Variants in LNX2 observed in about 807,000 individuals in gnomAD.
The protein encoded by LNX2 is ligand of Numb protein X 2.
LNX2 carries 35 observed loss-of-function variants against 66.2 expected under a neutral mutation model. The observed-to-expected ratio is 0.53, with a 90% CI of 0.40 to 0.70. LNX2 has a LOEUF of 0.70. LNX2 is among the 30% of genes least tolerant of loss of function. The probability of loss-of-function intolerance (pLI) is 0.00; values close to 1 mark genes in which losing one functional copy is unlikely to be tolerated. For synonymous variants in LNX2, 337 were observed against 315.6 expected, an observed-to-expected ratio of 1.07 and a Z score of -0.72; for missense variants, 791 against 850.8, an observed-to-expected ratio of 0.93 and a Z score of 0.87.
At chr13:27,573,197 A>G (rs564902714) in intron 2 of LNX2, among the ~76,000 whole-genome samples, 1 of 152,294 alleles carries the variant, frequency 6.6e-6, no homozygotes, top group Admixed American at 6.5e-5. Flanking sequence ...CCCACATCAC[A>G]GTGGAAATCA....
Position 27,581,445 on chromosome 13 carries a change from C to T in LNX2, c.259G>A (p.Asp87Asn), listed in dbSNP as rs1313044449. The change falls in exon 2 of 10, where the codon GAC (aspartate) becomes AAC (asparagine). Residue 87 changes from aspartate (D) to asparagine (N), a missense_variant. Asp to Asn is a conservative substitution (Grantham distance 23). Coordinates refer to ENST00000316334, the MANE Select transcript of LNX2 (RefSeq NM_153371.4). ...AACTTAAAATGAAGTCTTTTCCGGT[C>T]CAACGGACAGAAATCTTTCTCTTGT... ...FLQEKDFCPL[D>N]RKRLHFKLCK... 1 of 1,610,660 alleles carries T rather than the reference C, an allele frequency of 6.2e-7. No individual in the cohort carries two copies. Among genetic ancestry groups the T allele is most frequent in the East Asian group, 2.2e-5 (1 of 44,794 alleles).
chr13:27,612,832 C>T (rs1468683599), intron 1 of LNX2, among the ~76,000 whole-genome samples: 2 of 152,200 alleles, frequency 1.3e-5, no homozygotes, highest in Non-Finnish European at 2.9e-5. Context: ...TTGAGTGATT[C>T]TGCTGCCTTG....
chr13:27,582,379 C>T (rs1295761439), intron 1 of LNX2, among the ~76,000 whole-genome samples: 3 of 152,064 alleles, frequency 2.0e-5, no homozygotes, highest in African/African-American at 7.2e-5. Flanking sequence ...GGTAAAGACA[C>T]CATAGATTAT....
chr13:27,550,498 A>G lies in LNX2; in HGVS notation c.1779-7T>C. 2 of 1,593,896 alleles carry G rather than the reference A, an allele frequency of 1.3e-6. No homozygotes were observed. The highest frequency in any genetic ancestry group is 1.7e-6 in the Non-Finnish European group (2 of 1,172,722). Reference sequence around the variant, plus strand: ...GTGGCAGCTATGAAGTGTGCTATAAACAAACAGAAAAATAAAGAAAAAATT... The same window carrying G: ...GTGGCAGCTATGAAGTGTGCTATAAGCAAACAGAAAAATAAAGAAAAAATT... On this transcript the variant is annotated splice_polypyrimidine_tract_variant and splice_region_variant and intron_variant, in intron 8 of 9. Coordinates refer to ENST00000316334, the MANE Select transcript of LNX2 (RefSeq NM_153371.4).
At chr13:27,612,757 C>G (rs922113205) in intron 1 of LNX2, among the ~76,000 whole-genome samples, 5 of 152,110 alleles carry the variant, frequency 3.3e-5, no homozygotes, top group African/African-American at 1.2e-4. Flanking sequence ...TGACACCACA[C>G]CCAGCTGATT....
chr13:27,620,912 T>G (rs618733), upstream of LNX2: 56,643 of 148,936 alleles, frequency 0.38, 12,417 homozygotes, highest in South Asian at 0.54. Flanking sequence ...CGGGGCGGGG[T>G]GGGGGGAGGC....
At chr13:27,589,637 A>G (rs1955527358) in intron 1 of LNX2, among the ~76,000 whole-genome samples, 1 of 152,162 alleles carries the variant, frequency 6.6e-6, no homozygotes. Flanking sequence ...TTTTTAGTGC[A>G]AAGTGATCAA....
chr13:27,583,798 A>G (rs1955452024), intron 1 of LNX2, among the ~76,000 whole-genome samples: 1 of 152,200 alleles, frequency 6.6e-6, no homozygotes, highest in Non-Finnish European at 1.5e-5. Flanking sequence ...AAAGCCCATT[A>G]TTAAAATTCA....
chr13:27,565,250 A>G (rs969709268), intron 4 of LNX2, among the ~76,000 whole-genome samples: 1 of 152,240 alleles, frequency 6.6e-6, no homozygotes, highest in African/African-American at 2.4e-5. Flanking sequence ...CACTGATGAA[A>G]TGTATTAGTA....
At chr13:27,569,868 T>C (rs1383046572) in intron 2 of LNX2, among the ~76,000 whole-genome samples, 1 of 152,188 alleles carries the variant, frequency 6.6e-6, no homozygotes, top group Non-Finnish European at 1.5e-5. Flanking sequence ...GTTTGTGAAA[T>C]TAGAATTTCA....
chr13:27,576,744 G>C (rs1168712936), intron 2 of LNX2, among the ~76,000 whole-genome samples: 3 of 150,908 alleles, frequency 2.0e-5, no homozygotes, highest in African/African-American at 7.3e-5. Context: ...AAAAAGAAAA[G>C]AAAGGCCTCA....
At chr13:27,574,815 AG>A (rs1257991679) in intron 2 of LNX2, among the ~76,000 whole-genome samples, 1 of 152,202 alleles carries the variant, frequency 6.6e-6, no homozygotes, top group Non-Finnish European at 1.5e-5. Context: ...ACAGTAAGAG[AG>A]GAACAGCTCA....
intron 2 of LNX2, among the ~76,000 whole-genome samples, chr13:27,577,521 A>G (rs1381515572): frequency 1.3e-5 from 2 of 152,158 alleles, no homozygotes; most frequent in Non-Finnish European, 2.9e-5. Context: ...CACATAAAAT[A>G]CACTAACATC....
intron 1 of LNX2, among the ~76,000 whole-genome samples, chr13:27,584,547 G>A (rs529274081): frequency 1.7e-3 from 259 of 151,966 alleles, no homozygotes; most frequent in African/African-American, 5.6e-3. Flanking sequence ...TTAGCCAGGC[G>A]CAATGGTGCA....
At chr13:27,594,179 GTTC>G (rs892372876) in intron 1 of LNX2, among the ~76,000 whole-genome samples, 26 of 151,982 alleles carry the variant, frequency 1.7e-4, no homozygotes, top group African/African-American at 4.6e-4. Flanking sequence ...ATATTTCATT[GTTC>G]TTTTAATTTG....
intron 1 of LNX2, among the ~76,000 whole-genome samples, chr13:27,611,821 T>C (rs1411529695): frequency 1.3e-5 from 2 of 152,234 alleles, no homozygotes; most frequent in Non-Finnish European, 2.9e-5. Flanking sequence ...CTTTAAAATA[T>C]GGAATTTAAA....
rs1421589818 is a variant in LNX2 at position 27,550,468 on chromosome 13, A to G, written c.1802T>C (p.Ile601Thr). ...TCCCAAGTAACTTCTTCGTAAAACT[A>G]TATCGTGGCAGCTATGAAGTGTGCT... ...LPSTLHSCHDIVLRRSYLGSW... is the reference protein window; with the variant it reads ...LPSTLHSCHDTVLRRSYLGSW... Residue 601 changes from isoleucine (I) to threonine (T), a missense_variant, in exon 9 of 10, where the codon ATA (isoleucine) becomes ACA (threonine). Coordinates refer to ENST00000316334, the MANE Select transcript of LNX2 (RefSeq NM_153371.4). 4 of 1,614,076 alleles carry G rather than the reference A, an allele frequency of 2.5e-6. No homozygotes were observed. The highest frequency in any genetic ancestry group is 1.1e-5 in the South Asian group (1 of 91,072).
At chr13:27,569,686 TGACTTA>T (rs1306091099) in intron 2 of LNX2, among the ~76,000 whole-genome samples, 3 of 152,192 alleles carry the variant, frequency 2.0e-5, no homozygotes, top group Non-Finnish European at 4.4e-5. Flanking sequence ...GGTTGCGTCC[TGACTTA>T]GACCTTGATT....
At chr13:27,558,060 T>G (rs1593239861) in intron 6 of LNX2, among the ~76,000 whole-genome samples, 1 of 151,626 alleles carries the variant, frequency 6.6e-6, no homozygotes, top group South Asian at 2.1e-4. Flanking sequence ...CTCAGTTTGC[T>G]TCAAGGAACT....
Sources: allele counts gnomAD v4.1 joint callset (sites outside exome capture counted in the v4.1 genomes callset), GRCh38; gene constraint gnomAD v4.1.1; transcripts MANE v1.5; gene names NCBI Gene and HGNC (gene_info 2026-07-23, HGNC 2026-07-21).